Variants in GPC5 observed in about 807,000 individuals in gnomAD.
GPC5 encodes the protein glypican-5.
GPC5 carries 47 observed loss-of-function variants against 53.9 expected under a neutral mutation model. The ratio of observed to expected loss-of-function variants is 0.87; its 90% CI spans 0.69 to 1.11. The LOEUF is 1.11. GPC5 is among the 50% of genes most tolerant of loss of function. The pLI is 0.00. For missense variants in GPC5, 748 were observed against 713.1 expected, an observed-to-expected ratio of 1.05 and a Z score of -0.56; for synonymous variants, 286 against 263.3, an observed-to-expected ratio of 1.09 and a Z score of -0.84.
rs1396099405 is a variant in GPC5, at chr13:91,770,073, T to G, written c.1280+13653T>G. ...GATTCTCATGAGTCCCTTCTTGGGTTTTATCATTTGCTAGAATGGCTCACA... is the reference window on the plus strand; with the variant it reads ...GATTCTCATGAGTCCCTTCTTGGGTGTTATCATTTGCTAGAATGGCTCACA... On this transcript the variant is annotated intron_variant, in intron 5 of 7. Coordinates refer to ENST00000377067, the MANE Select transcript of GPC5 (RefSeq NM_004466.6). Among the ~76,000 whole-genome samples the G allele has an allele frequency of 2.0e-5, 3 of 152,152 alleles. No individual in the cohort carries two copies. In the East Asian group the frequency reaches 5.8e-4, roughly 29 times the overall value.
At chr13:92,015,609 G>A (rs566328578) in intron 6 of GPC5, among the ~76,000 whole-genome samples, 10 of 152,154 alleles carry the variant, frequency 6.6e-5, no homozygotes, top group African/African-American at 9.6e-5. Flanking sequence ...GTTATCTCCC[G>A]TAAGTCACAA....
intron 7 of GPC5, among the ~76,000 whole-genome samples, chr13:92,816,852 A>G (rs565813096): frequency 3.9e-5 from 6 of 152,096 alleles, no homozygotes; most frequent in Admixed American, 3.3e-4. Flanking sequence ...TCTCTGAAAT[A>G]TGTAAACTCC....
At chr13:92,422,029 G>C (rs901513269) in intron 7 of GPC5, among the ~76,000 whole-genome samples, 1 of 152,098 alleles carries the variant, frequency 6.6e-6, no homozygotes, top group African/African-American at 2.4e-5. Context: ...CACTGGAACT[G>C]TAAAACTAAG....
chr13:92,592,155 C>G (rs1366747525), intron 7 of GPC5, among the ~76,000 whole-genome samples: 1 of 152,208 alleles, frequency 6.6e-6, no homozygotes, highest in Non-Finnish European at 1.5e-5. Context: ...ACCCATGTAA[C>G]CTTCGCTTAT....
At chr13:91,864,569 A>G (rs981508615) in intron 5 of GPC5, among the ~76,000 whole-genome samples, 4 of 152,204 alleles carry the variant, frequency 2.6e-5, no homozygotes, top group Non-Finnish European at 5.9e-5. Flanking sequence ...AGTTATCTTT[A>G]GAAAAATAAA....
chr13:92,702,953 T>A (rs994861648), intron 7 of GPC5, among the ~76,000 whole-genome samples: 2 of 152,046 alleles, frequency 1.3e-5, no homozygotes, highest in African/African-American at 2.4e-5. Context: ...GACCTGCCTC[T>A]AAAGCTCAGA....
At chr13:92,066,423 G>A (rs1436980750) in intron 6 of GPC5, among the ~76,000 whole-genome samples, 110 of 139,720 alleles carry the variant, frequency 7.9e-4, no homozygotes, top group African/African-American at 2.8e-3. Context: ...GGTTTTGATA[G>A]AACAAACCTG....
At chr13:92,297,460 T>C (rs1166722282) in intron 7 of GPC5, among the ~76,000 whole-genome samples, 5 of 134,150 alleles carry the variant, frequency 3.7e-5, no homozygotes, top group Non-Finnish European at 7.9e-5. Flanking sequence ...GGATTGTAAA[T>C]ACACCAATCG....
At chr13:92,633,727 TTA>T (rs1885329892) in intron 7 of GPC5, among the ~76,000 whole-genome samples, 1 of 152,150 alleles carries the variant, frequency 6.6e-6, no homozygotes, top group Non-Finnish European at 1.5e-5. Context: ...TTTTTACCTA[TTA>T]TGTTTTCTGC....
At chr13:92,532,075 T>C (rs1310783051) in intron 7 of GPC5, among the ~76,000 whole-genome samples, 23 of 152,290 alleles carry the variant, frequency 1.5e-4, no homozygotes, top group Admixed American at 1.4e-3. Context: ...CTTATATCCA[T>C]ATCTCCAGCC....
chr13:92,824,361 G>T (rs1032043684), intron 7 of GPC5, among the ~76,000 whole-genome samples: 2 of 152,038 alleles, frequency 1.3e-5, no homozygotes, highest in African/African-American at 2.4e-5. Context: ...CAGTCCTGAT[G>T]ATTTCTGCTT....
intron 7 of GPC5, among the ~76,000 whole-genome samples, chr13:92,158,865 T>C (rs140643981): frequency 9.8e-5 from 15 of 152,342 alleles, no homozygotes; most frequent in Non-Finnish European, 2.2e-4. Context: ...TCAAAATTTA[T>C]GAACTGTTGA....
intron 7 of GPC5, among the ~76,000 whole-genome samples, chr13:92,558,099 A>G (rs1882563125): frequency 6.6e-6 from 1 of 152,024 alleles, no homozygotes; most frequent in African/African-American, 2.4e-5. Context: ...TGGAAAATCA[A>G]AAGAAGATTA....
At chr13:92,493,764 C>T (rs1594248428) in intron 7 of GPC5, among the ~76,000 whole-genome samples, 1 of 152,104 alleles carries the variant, frequency 6.6e-6, no homozygotes, top group East Asian at 1.9e-4. Flanking sequence ...TCAGAAAGAT[C>T]CAGACGTAGC....
At chr13:92,471,868 G>A (rs767563161) in intron 7 of GPC5, among the ~76,000 whole-genome samples, 7 of 152,104 alleles carry the variant, frequency 4.6e-5, no homozygotes, top group Non-Finnish European at 7.4e-5. Flanking sequence ...GCTGGAGGGT[G>A]AAATAAGTGC....
intron 6 of GPC5, among the ~76,000 whole-genome samples, chr13:91,976,277 TAAAAG>T (rs2040300967): frequency 6.6e-6 from 1 of 152,056 alleles, no homozygotes; most frequent in Non-Finnish European, 1.5e-5. Context: ...GTAATAATAA[TAAAAG>T]AAAATTTAAA....
chr13:91,932,643 A>G (rs1377432589), intron 6 of GPC5, among the ~76,000 whole-genome samples: 1 of 151,894 alleles, frequency 6.6e-6, no homozygotes, highest in Non-Finnish European at 1.5e-5. Flanking sequence ...TTCCATATTC[A>G]TTATTCTCTA....
chr13:91,417,335 A>G (rs1175986331), intron 1 of GPC5, among the ~76,000 whole-genome samples: 1 of 152,166 alleles, frequency 6.6e-6, no homozygotes, highest in Non-Finnish European at 1.5e-5. Context: ...GTGTAGGTGA[A>G]TTTCTAGAAG....
intron 7 of GPC5, among the ~76,000 whole-genome samples, chr13:92,635,002 A>C (rs1262001898): frequency 1.3e-5 from 2 of 151,798 alleles, no homozygotes; most frequent in Admixed American, 6.6e-5. Context: ...ACATATTATA[A>C]AATATTTTAC....
Sources: gnomAD v4.1 joint callset for allele counts (sites outside exome capture counted in the v4.1 genomes callset) on GRCh38, gnomAD v4.1.1 for gene constraint, MANE v1.5 for transcripts, NCBI Gene and HGNC (gene_info 2026-07-23, HGNC 2026-07-21) for gene names.